DROSHA: variants seen among roughly 807,000 people sequenced by gnomAD.
DROSHA encodes the protein drosha ribonuclease III.
A neutral mutation model predicts 181.9 loss-of-function variants in DROSHA; 56 were observed. That is an observed-to-expected ratio of 0.31 (90% CI 0.25 to 0.38). DROSHA has a LOEUF of 0.38. Ranked by LOEUF, DROSHA falls within the 10% of genes least tolerant of loss-of-function variation. DROSHA has a pLI of 1.00. For synonymous variants in DROSHA, 524 were observed against 591.2 expected, an observed-to-expected ratio of 0.89 and a Z score of 1.65; for missense variants, 1,218 against 1,743.5, an observed-to-expected ratio of 0.70 and a Z score of 5.37.
intron 25 of DROSHA, among the ~76,000 whole-genome samples, chr5:31,435,000 T>C (rs1434805324): frequency 6.6e-6 from 1 of 152,222 alleles, no homozygotes; most frequent in South Asian, 2.1e-4. Flanking sequence ...CATTTAATTC[T>C]CACAACCAGG....
At chr5:31,419,995 T>C (rs1742476479) in intron 30 of DROSHA, among the ~76,000 whole-genome samples, 1 of 151,904 alleles carries the variant, frequency 6.6e-6, no homozygotes, top group Non-Finnish European at 1.5e-5. Flanking sequence ...AAAAGAGTAC[T>C]GCTGATTCCT....
Position 31,429,500 on chromosome 5 carries a change from A to T in DROSHA, c.3191T>A (p.Phe1064Tyr). Reference protein sequence around the residue: ...EGSLEEAKQLFGRLLFNDPDL... With the variant: ...EGSLEEAKQLYGRLLFNDPDL... ...CGGATCATTAAAGAGCAAGCGTCCA[A>T]ATAACTGCTTGGCTTCCTCCAGGCT... Residue 1064 changes from phenylalanine to tyrosine, a missense_variant, in exon 27 of 36, where the codon TTT becomes TAT. Physicochemically the swap from Phe to Tyr is conservative, Grantham distance 22 (BLOSUM62 3). This residue lies in a region of DROSHA where 71 missense variants were observed against 95.2 expected (regional missense o/e 0.75). Transcript: ENST00000344624. 6.2e-7 allele frequency: 1 copy of T among 1,612,498 alleles called. No individual in the cohort carries two copies. Among genetic ancestry groups the T allele is most frequent in the Non-Finnish European group, 8.5e-7 (1 of 1,179,002 alleles).
intron 13 of DROSHA, among the ~76,000 whole-genome samples, chr5:31,490,552 A>C (rs1396559517): frequency 6.6e-6 from 1 of 152,162 alleles, no homozygotes; most frequent in Non-Finnish European, 1.5e-5. Flanking sequence ...TACTACATAA[A>C]AAGGTAAAAT....
At position 31,495,099 on chromosome 5, in the gene DROSHA, GAT is replaced by G. The variant is rs1309512706; in HGVS notation, c.1755+185_1755+186del. On this transcript the variant is annotated intron_variant, in intron 12 of 35. Coordinates refer to ENST00000344624, the MANE Select transcript of DROSHA (RefSeq NM_001382508.1). ...TGCCAACAATATTTAATGAAAAAAA[GAT>G]ATAGCAGTATAGTGAAGAGGAAGCT... is the stretch of plus-strand genomic sequence containing the variant. 2.0e-5 allele frequency among the ~76,000 whole-genome samples: 3 copies of G among 152,172 alleles called. No homozygotes were observed. In the South Asian group the frequency reaches 6.2e-4, roughly 32 times the overall value.
intron 19 of DROSHA, among the ~76,000 whole-genome samples, chr5:31,465,316 A>C (rs752901185): frequency 6.6e-6 from 1 of 152,230 alleles, no homozygotes; most frequent in Non-Finnish European, 1.5e-5. Context: ...TACAGGGATA[A>C]TACTACCCAT....
rs748924348 is a variant in DROSHA, at chr5:31,401,576, ATATATTT to A, written c.3995-21_3995-15del. The A allele has an allele frequency of 3.6e-6, 5 of 1,405,634 alleles. No individual in the cohort carries two copies. The highest frequency in any genetic ancestry group is 4.6e-6 in the Non-Finnish European group (5 of 1,077,030). 87.1% of individuals were successfully genotyped at this position (1,405,634 alleles called of 1,614,324 possible). ...GGGGAAAATTATCTGACACAAGGAAATATATTTTATATTTAATAAAATTATATTTAAT... is the reference window on the plus strand; with the variant it reads ...GGGGAAAATTATCTGACACAAGGAAATATATTTAATAAAATTATATTTAAT... On this transcript the variant is annotated splice_polypyrimidine_tract_variant and intron_variant, in intron 35 of 35. Coordinates refer to ENST00000344624, the MANE Select transcript of DROSHA (RefSeq NM_001382508.1).
chr5:31,453,260 A>G (rs1747244826), intron 20 of DROSHA, among the ~76,000 whole-genome samples: 1 of 152,184 alleles, frequency 6.6e-6, no homozygotes, highest in Non-Finnish European at 1.5e-5. Context: ...CAGTGACACA[A>G]TCACAACTCA....
chr5:31,409,067 A>T lies in DROSHA; in HGVS notation c.3843T>A (p.Ile1281=). Residue 1281 remains isoleucine (I), a synonymous_variant, in exon 33 of 36, where the codon ATT becomes ATA. Transcript: ENST00000344624. This position sits in a 1 kb window ranked among gnomAD's most constrained non-coding sequence, Gnocchi z 4.0. ...CAACAAGTACTTACTTGTACAGAGGAATGTCTGGCTCTTTTCCTTCTGTCC... is the reference window on the plus strand; with the variant it reads ...CAACAAGTACTTACTTGTACAGAGGTATGTCTGGCTCTTTTCCTTCTGTCC... ...TLRTEGKEPD[I]PLYKTLQTVG... 1.2e-6 allele frequency: 2 copies of T among 1,613,802 alleles called. No individual in the cohort carries two copies. The highest frequency in any genetic ancestry group is 1.7e-6 in the Non-Finnish European group (2 of 1,179,776).
intron 25 of DROSHA, among the ~76,000 whole-genome samples, chr5:31,431,956 A>G (rs1744232630): frequency 6.6e-6 from 1 of 152,136 alleles, no homozygotes; most frequent in South Asian, 2.1e-4. Flanking sequence ...GAACTTTCCA[A>G]TTCCAAGTTC....
At chr5:31,461,657 T>A (rs1158637402) in intron 20 of DROSHA, among the ~76,000 whole-genome samples, 1 of 152,064 alleles carries the variant, frequency 6.6e-6, no homozygotes, top group Non-Finnish European at 1.5e-5. Context: ...ATAAACATAA[T>A]GAAAATATTT....
intron 10 of DROSHA, among the ~76,000 whole-genome samples, chr5:31,507,512 T>C (rs1406302600): frequency 1.3e-5 from 2 of 150,088 alleles, no homozygotes; most frequent in African/African-American, 2.4e-5. Flanking sequence ...TAGTCCTAGA[T>C]ACTTGGGAGG....
At position 31,406,941 on chromosome 5, in the gene DROSHA, G is replaced by A. The variant is rs762537475; in HGVS notation, c.3859C>T (p.Leu1287=). The change falls in exon 34 of 36, where the codon CTG becomes TTG. Residue 1287 remains leucine (L), a synonymous_variant. Transcript: ENST00000344624. ...KEPDIPLYKT[L]QTVGPSHART... is the part of the protein sequence containing the mutation. ...GCATGGGATGGGCCCACTGTCTGCA[G>A]AGTCCTGAAAGGGAAAGGAAAGAAC... The A allele has an allele frequency of 6.2e-7, 1 of 1,613,506 alleles. No homozygotes were observed.
chr5:31,483,649 A>G lies in DROSHA; in HGVS notation c.1997-21T>C, dbSNP rs77570541. The G allele has an allele frequency of 1.8e-5, 21 of 1,191,856 alleles. No homozygotes were observed. The African/African-American group carries it at 2.3e-4, about 13-fold the overall frequency. 73.8% of individuals were successfully genotyped at this position (1,191,856 alleles called of 1,614,324 possible). ...AGGACCTGAAGCAAACAAATGAGAA[A>G]AAAAAAAAAAAAAGAAAACTCAGTC... is the stretch of plus-strand genomic sequence containing the variant. On this transcript the variant is annotated intron_variant, in intron 15 of 35. Transcript: ENST00000344624.
intron 24 of DROSHA, among the ~76,000 whole-genome samples, chr5:31,437,023 C>T (rs76137440): frequency 1.3e-3 from 205 of 152,296 alleles, no homozygotes; most frequent in African/African-American, 4.8e-3. Context: ...GAGACACCAG[C>T]CTTTCATCTT....
intron 5 of DROSHA, among the ~76,000 whole-genome samples, chr5:31,525,329 CAAAAAAAAAA>C (rs34043904): frequency 0.011 from 520 of 46,068 alleles, 6 homozygotes; most frequent in Non-Finnish European, 0.012. Flanking sequence ...GACTTCATCT[CAAAAAAAAAA>C]AAAAAAAAAA....
intron 23 of DROSHA, among the ~76,000 whole-genome samples, chr5:31,445,368 G>T (rs902453493): frequency 3.3e-5 from 5 of 152,140 alleles, no homozygotes; most frequent in African/African-American, 1.2e-4. Context: ...ACACATAAAT[G>T]AGAATATCAA....
At chr5:31,477,204 C>A (rs1417656003) in intron 16 of DROSHA, among the ~76,000 whole-genome samples, 1 of 152,118 alleles carries the variant, frequency 6.6e-6, no homozygotes, top group Non-Finnish European at 1.5e-5. Flanking sequence ...AGACCCAATT[C>A]TCTCAGTTTA....
At chr5:31,426,666 T>C (rs1743508506) in intron 27 of DROSHA, among the ~76,000 whole-genome samples, 1 of 152,102 alleles carries the variant, frequency 6.6e-6, no homozygotes, top group African/African-American at 2.4e-5. Context: ...AAAAAGGTGA[T>C]TCCTAGTGAA....
chr5:31,463,712 T>G (rs1748684318), intron 20 of DROSHA, among the ~76,000 whole-genome samples: 1 of 152,246 alleles, frequency 6.6e-6, no homozygotes, highest in Admixed American at 6.5e-5. Context: ...GCAGAAATGT[T>G]ACTCTATTGC....
Sources: gnomAD v4.1 joint callset for allele counts (sites outside exome capture counted in the v4.1 genomes callset) on GRCh38, gnomAD v4.1.1 for gene constraint, gnomAD v4.1.1 regional missense constraint, Gnocchi (gnomAD v3.1) non-coding constraint, MANE v1.5 for transcripts, NCBI Gene and HGNC (gene_info 2026-07-23, HGNC 2026-07-21) for gene names.